The following PTPRN2 variants were observed in gnomAD, a reference collection of about 807,000 sequenced individuals.
PTPRN2 encodes the protein receptor-type tyrosine-protein phosphatase N2.
In PTPRN2, 74 loss-of-function variants were observed where a neutral mutation model predicts 118.8. The ratio of observed to expected loss-of-function variants is 0.62; its 90% CI spans 0.52 to 0.76. The LOEUF (loss-of-function observed/expected upper bound fraction) is 0.76. Ranked by LOEUF, PTPRN2 falls within the 30% of genes least tolerant of loss-of-function variation. The pLI is 0.00. For synonymous variants in PTPRN2, 641 were observed against 608.0 expected (o/e 1.05, Z -0.80); for missense variants, 1,481 against 1,394.4 (o/e 1.06, Z -0.99).
chr7:157,909,359 A>G (rs1239103181), intron 11 of PTPRN2, among the ~76,000 whole-genome samples: 1 of 152,204 alleles, frequency 6.6e-6, no homozygotes, highest in African/African-American at 2.4e-5. Context: ...GCCCCTCGAC[A>G]GCTGGACAGG....
chr7:158,573,747 T>C (rs892024277), intron 1 of PTPRN2, among the ~76,000 whole-genome samples: 3 of 152,222 alleles, frequency 2.0e-5, no homozygotes, highest in Non-Finnish European at 4.4e-5. Context: ...TATTGACATA[T>C]GCCCACTCTT....
rs760409679 is a variant in PTPRN2, at chr7:157,639,043, CT to C, written c.2196+17313del. Among the ~76,000 whole-genome samples the C allele has an allele frequency of 7.6e-3, 1,112 of 145,386 alleles. 6 individuals are homozygous for C. Among genetic ancestry groups the C allele is most frequent in the African/African-American group, 0.016 (647 of 39,978 alleles). On this transcript the variant is annotated intron_variant, in intron 14 of 22. Coordinates refer to ENST00000389418, the MANE Select transcript of PTPRN2 (RefSeq NM_002847.5). ...GATGTCTTTCTTTCCTTCTTTCTTT[CT>C]TTTTTTTTTTTTGACAGAGTCTTGC...
intron 12 of PTPRN2, among the ~76,000 whole-genome samples, chr7:157,761,353 T>C (rs1321819222): frequency 1.4e-4 from 21 of 148,766 alleles, no homozygotes; most frequent in African/African-American, 5.2e-4. Flanking sequence ...CAAACTATAC[T>C]ACAAGGCTAC....
At chr7:157,879,433 A>G (rs915631089) in intron 12 of PTPRN2, among the ~76,000 whole-genome samples, 6 of 152,208 alleles carry the variant, frequency 3.9e-5, no homozygotes, top group African/African-American at 1.2e-4. Context: ...ACACAGAGCA[A>G]CGTCCTGCAG....
In PTPRN2 at chr7:157,881,249, A is replaced by G. The variant is rs1169545183; in HGVS notation, c.1788+17424T>C. Reference sequence around the variant, plus strand: ...GTCATTATGGTAAAATGAGGTCATGATGGTATGTGGAGATGGGGGTGTTTA... The same window carrying G: ...GTCATTATGGTAAAATGAGGTCATGGTGGTATGTGGAGATGGGGGTGTTTA... On this transcript the variant is annotated intron_variant, in intron 12 of 22. Transcript: ENST00000389418. This position sits in a 1 kb window ranked among gnomAD's most constrained non-coding sequence, Gnocchi z 4.7. Among the ~76,000 whole-genome samples, 1 of 148,996 alleles carries G rather than the reference A, an allele frequency of 6.7e-6. No individual in the cohort carries two copies. Among genetic ancestry groups the G allele is most frequent in the Non-Finnish European group, 1.5e-5 (1 of 67,652 alleles).
chr7:158,108,912 G>C (rs1815930245), intron 10 of PTPRN2, among the ~76,000 whole-genome samples: 1 of 152,276 alleles, frequency 6.6e-6, no homozygotes, highest in Non-Finnish European at 1.5e-5. Flanking sequence ...AGGTCAACCT[G>C]TGTGAAGGGG....
chr7:158,443,526 AC>A (rs1034076471), intron 2 of PTPRN2, among the ~76,000 whole-genome samples: 3 of 152,094 alleles, frequency 2.0e-5, no homozygotes, highest in African/African-American at 7.2e-5. Context: ...TGCCCTGGCT[AC>A]CAGGATGCCT....
intron 14 of PTPRN2, among the ~76,000 whole-genome samples, chr7:157,653,917 TC>T (rs1339333445): frequency 1.5e-4 from 13 of 88,230 alleles, no homozygotes; most frequent in African/African-American, 5.7e-4. Flanking sequence ...CGCCCGTCTC[TC>T]CCCACACCCA....
chr7:158,560,168 A>C (rs1827287687), intron 1 of PTPRN2, among the ~76,000 whole-genome samples: 1 of 152,268 alleles, frequency 6.6e-6, no homozygotes. Context: ...AGACTGGGTA[A>C]TAAGTCCACC....
At chr7:158,071,549 C>T (rs775307705) in intron 11 of PTPRN2, among the ~76,000 whole-genome samples, 3,832 of 45,976 alleles carry the variant, frequency 0.083, 56 homozygotes, top group Middle Eastern at 0.17. Context: ...TGGAGGTGCT[C>T]CTGGTGGTGG....
chr7:158,333,265 G>C (rs1804860442), intron 2 of PTPRN2, among the ~76,000 whole-genome samples: 1 of 129,068 alleles, frequency 7.7e-6, no homozygotes, highest in South Asian at 2.3e-4. Flanking sequence ...GCCCGCAGGA[G>C]TCACTCACAC....
intron 12 of PTPRN2, among the ~76,000 whole-genome samples, chr7:157,739,918 C>T (rs192241092): frequency 6.6e-6 from 1 of 152,336 alleles, no homozygotes; most frequent in East Asian, 1.9e-4. Context: ...GAGCAGCTTT[C>T]CTCTGACCTC....
intron 11 of PTPRN2, among the ~76,000 whole-genome samples, chr7:158,068,193 AT>A (rs1228121324): frequency 6.6e-6 from 1 of 152,230 alleles, no homozygotes; most frequent in Non-Finnish European, 1.5e-5. Flanking sequence ...TGGGGACTTC[AT>A]CCCTCAGTGT....
In PTPRN2 at chr7:158,413,568, T is replaced by C. The variant is rs10267919; in HGVS notation, c.163+76167A>G. ...CTTTTCCGACTCCCCTCCCAGAAGA[T>C]GGCAGGGCTCAAGAGGCCTGAACGG... On this transcript the variant is annotated intron_variant, in intron 2 of 22. Transcript: ENST00000389418. 5.1e-3 allele frequency among the ~76,000 whole-genome samples: 770 copies of C among 152,274 alleles called. 6 individuals carry two copies. The highest frequency in any genetic ancestry group is 0.016 in the African/African-American group (669 of 41,568).
chr7:158,242,102 C>T (rs1795936448), intron 3 of PTPRN2, among the ~76,000 whole-genome samples: 2 of 152,180 alleles, frequency 1.3e-5, no homozygotes, highest in East Asian at 1.9e-4. Context: ...TAGAGCCATG[C>T]TAGTGGCTCC....
intron 17 of PTPRN2, among the ~76,000 whole-genome samples, chr7:157,589,730 C>A (rs939330416): frequency 2.4e-4 from 37 of 152,334 alleles, no homozygotes; most frequent in African/African-American, 8.2e-4. Context: ...ATATTCTTAA[C>A]CCTTCTTCAG....
At chr7:158,062,040 G>T (rs965766772) in intron 11 of PTPRN2, among the ~76,000 whole-genome samples, 1 of 152,268 alleles carries the variant, frequency 6.6e-6, no homozygotes, top group African/African-American at 2.4e-5. Flanking sequence ...CATTCCACGG[G>T]GTGAGCATCT....
At chr7:158,584,640 G>A (rs1008151363) in intron 1 of PTPRN2, among the ~76,000 whole-genome samples, 1 of 152,180 alleles carries the variant, frequency 6.6e-6, no homozygotes, top group Non-Finnish European at 1.5e-5. Context: ...GGTGATGGGA[G>A]GGCAGGAAAC....
intron 21 of PTPRN2, among the ~76,000 whole-genome samples, chr7:157,557,425 CACAA>C (rs1412899952): frequency 2.6e-5 from 4 of 151,848 alleles, no homozygotes; most frequent in Non-Finnish European, 4.4e-5. Flanking sequence ...TCACACTGCA[CACAA>C]ACATTCCACA....
Sources: allele counts gnomAD v4.1 joint callset (sites outside exome capture counted in the v4.1 genomes callset), GRCh38; gene constraint gnomAD v4.1.1; non-coding constraint Gnocchi (gnomAD v3.1); transcripts MANE v1.5; gene names NCBI Gene and HGNC (gene_info 2026-07-23, HGNC 2026-07-21).